ZHX2: variants seen among roughly 807,000 people sequenced by gnomAD.
ZHX2 encodes zinc fingers and homeoboxes protein 2.
Under a neutral mutation model 21.9 loss-of-function variants are expected in ZHX2, and 6 were observed. That is an observed-to-expected ratio of 0.27 (90% confidence interval 0.15 to 0.54). The LOEUF is 0.54. Ranked by LOEUF, ZHX2 falls within the 20% of genes least tolerant of loss-of-function variation. The pLI is 0.95. For missense variants in ZHX2, 908 were observed against 1,090.7 expected (o/e 0.83, Z 2.36); for synonymous variants, 434 against 437.1 (o/e 0.99, Z 0.09).
At chr8:122,868,129 G>T (rs913308645) in intron 2 of ZHX2, among the ~76,000 whole-genome samples, 2 of 152,050 alleles carry the variant, frequency 1.3e-5, no homozygotes, top group Non-Finnish European at 2.9e-5. Context: ...ACGGTGATTC[G>T]GCTATTCCAC....
rs542712772 is a variant in ZHX2, at chr8:122,935,476, A to G, written c.-219-15816A>G. 1.1e-4 allele frequency among the ~76,000 whole-genome samples: 16 copies of G among 151,566 alleles called. No individual in the cohort carries two copies. In the South Asian group the frequency reaches 2.9e-3, roughly 28 times the overall value. On this transcript the variant is annotated intron_variant, in intron 2 of 3. Coordinates refer to ENST00000314393, the MANE Select transcript of ZHX2 (RefSeq NM_014943.5). The stretch of plus-strand genomic sequence containing the variant: ...TGTCAAGGCTGTTCCTCACATGTAG[A>G]TCTCAGCTGAGATACCCTCTCCTCA...
At chr8:122,824,262 G>T (rs1327097084) in intron 1 of ZHX2, among the ~76,000 whole-genome samples, 5 of 152,114 alleles carry the variant, frequency 3.3e-5, no homozygotes, top group Non-Finnish European at 5.9e-5. Flanking sequence ...GTACTTATAA[G>T]TTCACCTGTG....
At chr8:122,803,509 T>C (rs1817758732) in intron 1 of ZHX2, among the ~76,000 whole-genome samples, 1 of 152,240 alleles carries the variant, frequency 6.6e-6, no homozygotes, top group African/African-American at 2.4e-5. Context: ...GTCCTGTGCA[T>C]CATAGGGTAT....
At chr8:122,942,010 A>T (rs1449735906) in intron 2 of ZHX2, among the ~76,000 whole-genome samples, 2 of 152,194 alleles carry the variant, frequency 1.3e-5, no homozygotes, top group East Asian at 3.9e-4. Context: ...TCAGGAATTA[A>T]CTCTCAGTCA....
intron 3 of ZHX2, among the ~76,000 whole-genome samples, chr8:122,958,322 A>G (rs1813359071): frequency 6.6e-6 from 1 of 152,218 alleles, no homozygotes; most frequent in South Asian, 2.1e-4. Flanking sequence ...ACAATGTTTG[A>G]GCCATTCCAT....
intron 2 of ZHX2, among the ~76,000 whole-genome samples, chr8:122,879,238 C>T (rs566523205): frequency 1.8e-4 from 28 of 152,178 alleles, no homozygotes; most frequent in South Asian, 4.1e-4. Flanking sequence ...GACAGAGTCT[C>T]GCTCTGTCAC....
chr8:122,792,813 C>A (rs1817543523), intron 1 of ZHX2, among the ~76,000 whole-genome samples: 1 of 152,164 alleles, frequency 6.6e-6, no homozygotes, highest in South Asian at 2.1e-4. Context: ...AGGTGACACC[C>A]ACTCTCAGGT....
intron 1 of ZHX2, chr8:122,810,555 GGTGTCACGTCCTGCGTGGGT>G (rs1817905558): frequency 6.6e-6 from 1 of 152,214 alleles, no homozygotes. Flanking sequence ...GCGGCCCTGA[GGTGTCACGTCCTGCGTGGGT>G]GAGTCTCTGT....
chr8:122,936,137 C>T (rs1357163018), intron 2 of ZHX2, among the ~76,000 whole-genome samples: 2 of 152,214 alleles, frequency 1.3e-5, no homozygotes, highest in East Asian at 3.9e-4. Flanking sequence ...TTTTAAAACA[C>T]CAGGAATGTT....
At chr8:122,799,961 G>A (rs950363104) in intron 1 of ZHX2, among the ~76,000 whole-genome samples, 2 of 151,922 alleles carry the variant, frequency 1.3e-5, no homozygotes, top group African/African-American at 2.4e-5. Context: ...CCTCCCAAAC[G>A]ATTCTCCTGC....
At chr8:122,968,351 G>C (rs1813635273) in intron 3 of ZHX2, among the ~76,000 whole-genome samples, 2 of 152,286 alleles carry the variant, frequency 1.3e-5, no homozygotes. Context: ...GGGAAGGAGA[G>C]CTTTGGCGGG....
At chr8:122,884,101 A>G (rs1457557159) in intron 2 of ZHX2, among the ~76,000 whole-genome samples, 1 of 152,226 alleles carries the variant, frequency 6.6e-6, no homozygotes, top group Non-Finnish European at 1.5e-5. Context: ...ATGTTACTGT[A>G]CTAAACACTG....
chr8:122,825,039 A>G (rs1184842818), intron 1 of ZHX2, among the ~76,000 whole-genome samples: 1 of 152,166 alleles, frequency 6.6e-6, no homozygotes, highest in African/African-American at 2.4e-5. Flanking sequence ...CATTGAGCCT[A>G]CCTGGTTAAG....
At chr8:122,893,111 G>T (rs563758748) in intron 2 of ZHX2, among the ~76,000 whole-genome samples, 1 of 152,152 alleles carries the variant, frequency 6.6e-6, no homozygotes, top group Admixed American at 6.5e-5. Context: ...TTGAGTAGTT[G>T]GTTTTTGTTT....
At chr8:122,927,530 G>T (rs1820887525) in intron 2 of ZHX2, among the ~76,000 whole-genome samples, 1 of 152,130 alleles carries the variant, frequency 6.6e-6, no homozygotes, top group African/African-American at 2.4e-5. Context: ...AATTTATAAA[G>T]GAAAGAGGTT....
At chr8:122,850,281 A>G (rs968572895) in intron 1 of ZHX2, among the ~76,000 whole-genome samples, 1 of 152,124 alleles carries the variant, frequency 6.6e-6, no homozygotes, top group Non-Finnish European at 1.5e-5. Context: ...TATATAGGAC[A>G]CACGTGAGCA....
At chr8:122,814,496 C>T (rs1040606265) in intron 1 of ZHX2, among the ~76,000 whole-genome samples, 5 of 152,200 alleles carry the variant, frequency 3.3e-5, no homozygotes, top group African/African-American at 1.2e-4. Context: ...CTCAGGCCAC[C>T]AAGACTGCCA....
intron 2 of ZHX2, among the ~76,000 whole-genome samples, chr8:122,946,595 C>T (rs73335720): frequency 8.3e-4 from 127 of 152,116 alleles, no homozygotes; most frequent in Middle Eastern, 3.4e-3. Context: ...TTAAATAATG[C>T]GGGATATGGG....
At chr8:122,948,751 G>A (rs988195400) in intron 2 of ZHX2, among the ~76,000 whole-genome samples, 2 of 152,184 alleles carry the variant, frequency 1.3e-5, no homozygotes, top group African/African-American at 4.8e-5. Context: ...ATGCTGCTGA[G>A]ATGGTTGGTA....
Sources: allele counts gnomAD v4.1 joint callset (sites outside exome capture counted in the v4.1 genomes callset), GRCh38; gene constraint gnomAD v4.1.1; transcripts MANE v1.5; gene names NCBI Gene and HGNC (gene_info 2026-07-23, HGNC 2026-07-21).